MRAS: variants seen among roughly 807,000 people sequenced by gnomAD.
The protein encoded by MRAS is muscle RAS oncogene homolog.
In MRAS, 4 loss-of-function variants were observed where a neutral mutation model predicts 20.9. That is an observed-to-expected ratio of 0.19 (90% confidence interval 0.09 to 0.44). MRAS has a LOEUF of 0.44. MRAS is among the 20% of genes least tolerant of loss of function. The pLI, the probability that MRAS is intolerant of heterozygous loss-of-function variation, is 0.99. For synonymous variants in MRAS, 98 were observed against 102.9 expected (o/e 0.95, Z 0.29); for missense variants, 154 against 277.5 (o/e 0.56, Z 3.16).
At position 138,363,832 on chromosome 3, in the gene MRAS, C is replaced by G. The variant is rs1045036429; in HGVS notation, c.-18-9034C>G. Among the ~76,000 whole-genome samples the G allele has an allele frequency of 2.4e-4, 30 of 123,898 alleles. 2 individuals carry two copies. The highest frequency in any genetic ancestry group is 1.0e-3 in the South Asian group (3 of 3,002). 81.3% of individuals were successfully genotyped at this position (123,898 alleles called of 152,430 possible). ...GTTAGAGGATTTACCCCCCCCCCCC[C>G]CCAAACCACAGGGTACCCAGAGGGT... is the stretch of plus-strand genomic sequence containing the variant. On this transcript the variant is annotated intron_variant, in intron 1 of 5. Transcript: ENST00000423968.
At chr3:138,377,562 C>T (rs2054810798) in intron 2 of MRAS, among the ~76,000 whole-genome samples, 1 of 152,216 alleles carries the variant, frequency 6.6e-6, no homozygotes, top group Admixed American at 6.5e-5. Context: ...AACTCTGAAC[C>T]TTTCTGGGGC....
chr3:138,379,275 T>C (rs2054849800), intron 2 of MRAS, among the ~76,000 whole-genome samples: 1 of 151,800 alleles, frequency 6.6e-6, no homozygotes, highest in Admixed American at 6.6e-5. Context: ...GAGCATGCAA[T>C]ATTTGTCTTT....
intron 2 of MRAS, among the ~76,000 whole-genome samples, chr3:138,374,433 A>T (rs2054741085): frequency 6.6e-6 from 1 of 152,162 alleles, no homozygotes; most frequent in Non-Finnish European, 1.5e-5. Context: ...TAATCTTGTA[A>T]CCTACAACTT....
At chr3:138,353,438 A>G (rs1006502379) in intron 1 of MRAS, among the ~76,000 whole-genome samples, 7 of 151,976 alleles carry the variant, frequency 4.6e-5, no homozygotes, top group African/African-American at 1.7e-4. Flanking sequence ...CTTCACCTGG[A>G]CCCTTCTAGA....
rs1241692487 is a variant in MRAS, at chr3:138,400,551, C to T, written c.465C>T (p.Thr155=). Residue 155 remains threonine (T), a synonymous_variant, in exon 5 of 6, where the codon ACC becomes ACT. Coordinates refer to ENST00000423968, the MANE Select transcript of MRAS (RefSeq NM_001085049.3). The stretch of plus-strand genomic sequence containing the variant: ...CCTTCCAGATTCCGTACATAGAAAC[C>T]AGTGCCAAGGACCCACCTCTCAATG... The part of the protein sequence containing the change: ...ATKHNIPYIE[T]SAKDPPLNVD... 1.2e-6 allele frequency: 2 copies of T among 1,613,262 alleles called. No individual in the cohort carries two copies. The highest frequency in any genetic ancestry group is 1.7e-6 in the Non-Finnish European group (2 of 1,179,244).
At chr3:138,364,160 C>T (rs1576349234) in intron 1 of MRAS, among the ~76,000 whole-genome samples, 1 of 152,080 alleles carries the variant, frequency 6.6e-6, no homozygotes, top group East Asian at 1.9e-4. Flanking sequence ...AGCTGAGCCC[C>T]CACACACATA....
At chr3:138,400,325 A>G in intron 4 of MRAS, 1 of 537,760 alleles carries the variant, frequency 1.9e-6, no homozygotes, top group Non-Finnish European at 3.3e-6. Context: ...CCTAGAGAAC[A>G]AGAGGGAATT....
intron 2 of MRAS, among the ~76,000 whole-genome samples, chr3:138,384,114 G>A (rs1205594182): frequency 6.6e-6 from 1 of 151,794 alleles, no homozygotes; most frequent in African/African-American, 2.4e-5. Flanking sequence ...GCTAGTAGGA[G>A]AGAGGTCAGG....
rs116880305 is a variant in MRAS, at chr3:138,398,871, G to A, written c.447+303G>A. 2.0e-5 allele frequency among the ~76,000 whole-genome samples: 3 copies of A among 152,300 alleles called. No individual in the cohort carries two copies. In the East Asian group the frequency reaches 5.8e-4, roughly 29 times the overall value. On this transcript the variant is annotated intron_variant, in intron 4 of 5. Transcript: ENST00000423968. ...GGACCACAGGTGGCAGTGGTCTGAG[G>A]CCCTGGAACCTGGGCCATTACTGAG... is the stretch of plus-strand genomic sequence containing the variant.
rs181034717 is a variant in MRAS, at chr3:138,386,729, C to T, written c.194-10595C>T. Among the ~76,000 whole-genome samples, 121 of 152,212 alleles carry T rather than the reference C, an allele frequency of 7.9e-4. 2 individuals carry two copies. In the East Asian group the frequency reaches 0.013, roughly 17 times the overall value. The stretch of plus-strand genomic sequence containing the variant: ...AACTCCTGACTTCAGGTGATCTGCC[C>T]GCCTCGGCCTCCCAAAGTGCTGGGA... On this transcript the variant is annotated intron_variant, in intron 2 of 5. Coordinates refer to ENST00000423968, the MANE Select transcript of MRAS (RefSeq NM_001085049.3).
intron 1 of MRAS, among the ~76,000 whole-genome samples, chr3:138,351,593 C>G (rs1299193285): frequency 6.6e-6 from 1 of 152,172 alleles, no homozygotes; most frequent in Non-Finnish European, 1.5e-5. Flanking sequence ...CCCTGTAGTA[C>G]TGAATCAATG....
rs374075604 is a variant in MRAS at position 138,368,660 on chromosome 3, T to G, written c.-18-4206T>G. Reference sequence around the variant, plus strand: ...TAACATCCTAGAATGATCTCCGAGGTGCTTTTTAGTTGAGAAGGCTGGAAA... The same window carrying G: ...TAACATCCTAGAATGATCTCCGAGGGGCTTTTTAGTTGAGAAGGCTGGAAA... On this transcript the variant is annotated intron_variant, in intron 1 of 5. Transcript: ENST00000423968. Among the ~76,000 whole-genome samples the G allele has an allele frequency of 3.5e-4, 53 of 152,204 alleles. No homozygotes were observed. In the South Asian group the frequency reaches 1.0e-2, roughly 29 times the overall value.
intron 2 of MRAS, among the ~76,000 whole-genome samples, chr3:138,384,227 G>A (rs1004257054): frequency 2.0e-5 from 3 of 152,186 alleles, no homozygotes; most frequent in African/African-American, 4.8e-5. Context: ...TGTTTAAAAC[G>A]TGGATACTTC....
At chr3:138,401,429 A>C (rs1356810733) in intron 5 of MRAS, among the ~76,000 whole-genome samples, 1 of 152,150 alleles carries the variant, frequency 6.6e-6, no homozygotes, top group Non-Finnish European at 1.5e-5. Flanking sequence ...TCCCCAGCGT[A>C]ATGAGGAAAT....
chr3:138,362,756 A>T (rs1468065831), intron 1 of MRAS, among the ~76,000 whole-genome samples: 1 of 152,062 alleles, frequency 6.6e-6, no homozygotes, highest in Non-Finnish European at 1.5e-5. Flanking sequence ...TTCATCATGC[A>T]GTGCTTATTA....
rs1251128601 is a variant in MRAS, at chr3:138,400,599, C to T, written c.513C>T (p.Leu171=). The part of the protein sequence containing the change: ...PLNVDKAFHD[L]VRVIRQQIPE... ...ATGTCGACAAAGCCTTCCATGACCT[C>T]GTTAGAGTAATTAGGTGAGCACTGC... The change falls in exon 5 of 6, where the codon CTC becomes CTT. Residue 171 remains leucine (L), a synonymous_variant. Coordinates refer to ENST00000423968, the MANE Select transcript of MRAS (RefSeq NM_001085049.3). 3 of 1,611,982 alleles carry T rather than the reference C, an allele frequency of 1.9e-6. No individual in the cohort carries two copies. The highest frequency in any genetic ancestry group is 1.3e-5 in the African/African-American group (1 of 74,836).
chr3:138,402,105 A>G lies in MRAS; in HGVS notation c.528-65A>G, dbSNP rs933269912. 5.4e-6 allele frequency: 8 copies of G among 1,472,882 alleles called. No individual in the cohort carries two copies. In the African/African-American group the frequency reaches 8.3e-5, roughly 15 times the overall value. The allele number at this position is 1,472,882 out of a possible 1,614,324, so 91.2% of individuals were successfully genotyped here. Reference sequence around the variant, plus strand: ...TGACTCAGATCTGGGGCTAGGGAGGAGAGGGGCAGAGGAGAAGCAAAGCCC... The same window carrying G: ...TGACTCAGATCTGGGGCTAGGGAGGGGAGGGGCAGAGGAGAAGCAAAGCCC... On this transcript the variant is annotated intron_variant, in intron 5 of 5. Coordinates refer to ENST00000423968, the MANE Select transcript of MRAS (RefSeq NM_001085049.3).
intron 2 of MRAS, 43 bp from the exon 3 acceptor site, chr3:138,397,281 G>A: frequency 2.5e-6 from 4 of 1,605,642 alleles, no homozygotes; most frequent in Non-Finnish European, 3.4e-6. Context: ...GGGGGCTACA[G>A]GGTAGGTGAG....
intron 1 of MRAS, among the ~76,000 whole-genome samples, chr3:138,369,781 C>T (rs1266178212): frequency 6.6e-6 from 1 of 152,176 alleles, no homozygotes; most frequent in African/African-American, 2.4e-5. Context: ...CTGGCCATTT[C>T]CTGCCAGCTG....
Sources: allele counts gnomAD v4.1 joint callset (sites outside exome capture counted in the v4.1 genomes callset), GRCh38; gene constraint gnomAD v4.1.1; transcripts MANE v1.5; gene names NCBI Gene and HGNC (gene_info 2026-07-23, HGNC 2026-07-21).